LRRTM3: variants seen among roughly 807,000 people sequenced by gnomAD.
The protein encoded by LRRTM3 is leucine rich repeat transmembrane neuronal 3, also known as leucine-rich repeat transmembrane neuronal protein 3.
Under a neutral mutation model 44.7 loss-of-function variants are expected in LRRTM3, and 24 were observed. That is an observed-to-expected ratio of 0.54 (90% CI 0.39 to 0.76). The LOEUF (loss-of-function observed/expected upper bound fraction) is 0.76. Among genes scored for constraint, LRRTM3 ranks in the 30% least tolerant of loss-of-function variants. The pLI, the probability that LRRTM3 is intolerant of heterozygous loss-of-function variation, is 0.00. For missense variants in LRRTM3, 587 were observed against 702.2 expected, an observed-to-expected ratio of 0.84 and a Z score of 1.85; for synonymous variants, 277 against 278.7, an observed-to-expected ratio of 0.99 and a Z score of 0.06.
Position 67,100,083 on chromosome 10 carries a change from T to C in LRRTM3, c.*2287T>C, listed in dbSNP as rs1858252181. On this transcript the variant is annotated 3_prime_UTR_variant, in exon 3 of 3. Coordinates refer to ENST00000361320, the MANE Select transcript of LRRTM3 (RefSeq NM_178011.5). ...TAACATATTTGTTAATAAATAGGTTTATCTACTAATAAACCTATTTCTAGA... is the reference window on the plus strand; with the variant it reads ...TAACATATTTGTTAATAAATAGGTTCATCTACTAATAAACCTATTTCTAGA... Among the ~76,000 whole-genome samples, 1 of 151,824 alleles carries C rather than the reference T, an allele frequency of 6.6e-6. No individual in the cohort carries two copies. Among genetic ancestry groups the C allele is most frequent in the African/African-American group, 2.4e-5 (1 of 41,416 alleles).
At chr10:66,936,517 C>G (rs1847703194) in intron 2 of LRRTM3, among the ~76,000 whole-genome samples, 1 of 151,856 alleles carries the variant, frequency 6.6e-6, no homozygotes, top group African/African-American at 2.4e-5. Context: ...TGTTTTCTGC[C>G]TGCAGATCTT....
chr10:66,945,851 G>A (rs1564786420), intron 2 of LRRTM3, among the ~76,000 whole-genome samples: 2 of 152,064 alleles, frequency 1.3e-5, no homozygotes, highest in African/African-American at 2.4e-5. Flanking sequence ...GTAAGGGAGG[G>A]AAATAGAGAA....
intron 2 of LRRTM3, among the ~76,000 whole-genome samples, chr10:67,073,321 G>T (rs1856565578): frequency 6.6e-6 from 1 of 151,824 alleles, no homozygotes. Context: ...TCCATTAATT[G>T]GCTAAATTTT....
chr10:67,031,001 T>C (rs917767775), intron 2 of LRRTM3, among the ~76,000 whole-genome samples: 5 of 151,958 alleles, frequency 3.3e-5, no homozygotes, highest in African/African-American at 1.2e-4. Flanking sequence ...CGAAACTCCG[T>C]CTCAAAAAAA....
intron 2 of LRRTM3, among the ~76,000 whole-genome samples, chr10:67,073,078 G>C (rs552917720): frequency 1.4e-4 from 21 of 152,256 alleles, no homozygotes; most frequent in South Asian, 8.3e-4. Flanking sequence ...CTCAGAATAA[G>C]CAAATGCCCT....
Position 66,976,044 on chromosome 10 carries a change from T to A in LRRTM3, c.1536+47592T>A, listed in dbSNP as rs187542457. 4.0e-3 allele frequency among the ~76,000 whole-genome samples: 611 copies of A among 152,272 alleles called. 2 individuals carry two copies. Among genetic ancestry groups the A allele is most frequent in the Non-Finnish European group, 5.0e-3 (339 of 68,002 alleles). ...TAATTTCCCTGTATAAAAGGCCCAA[T>A]AATAGGTCAGTTAGTCCACAAAATT... On this transcript the variant is annotated intron_variant, in intron 2 of 2. Transcript: ENST00000361320.
intron 2 of LRRTM3, among the ~76,000 whole-genome samples, chr10:67,079,291 C>T (rs1564876708): frequency 6.6e-6 from 1 of 152,162 alleles, no homozygotes; most frequent in Non-Finnish European, 1.5e-5. Flanking sequence ...ATCATAAATA[C>T]AGACATCATG....
Position 66,928,199 on chromosome 10 carries a change from T to C in LRRTM3, c.1283T>C (p.Phe428Ser). 1 of 1,614,098 alleles carries C rather than the reference T, an allele frequency of 6.2e-7. No individual in the cohort carries two copies. Among genetic ancestry groups the C allele is most frequent in the East Asian group, 2.2e-5 (1 of 44,874 alleles). The change falls in exon 2 of 3, where the codon TTC (phenylalanine) becomes TCC (serine). Residue 428 changes from phenylalanine (F) to serine (S), a missense_variant. Phe to Ser is a radical substitution (Grantham distance 155). Coordinates refer to ENST00000361320, the MANE Select transcript of LRRTM3 (RefSeq NM_178011.5). The stretch of plus-strand genomic sequence containing the variant: ...ATCATCGCGGGCAGCGTGGCGCTTT[T>C]CCTGTCCGTGCTCGTCATCCTGCTG... Reference protein sequence around the residue: ...HKIIAGSVALFLSVLVILLVI... With the variant: ...HKIIAGSVALSLSVLVILLVI...
chr10:67,037,524 T>C (rs1854137035), intron 2 of LRRTM3, among the ~76,000 whole-genome samples: 1 of 152,184 alleles, frequency 6.6e-6, no homozygotes, highest in Non-Finnish European at 1.5e-5. Flanking sequence ...GGAGTGATCA[T>C]CATATCTGCA....
intron 2 of LRRTM3, among the ~76,000 whole-genome samples, chr10:66,982,988 A>G (rs1288274128): frequency 6.6e-6 from 1 of 152,180 alleles, no homozygotes; most frequent in Non-Finnish European, 1.5e-5. Context: ...CGGCTCAGGC[A>G]GCACTAAAGG....
At chr10:67,048,594 G>T (rs1313382668) in intron 2 of LRRTM3, among the ~76,000 whole-genome samples, 1 of 151,942 alleles carries the variant, frequency 6.6e-6, no homozygotes, top group Non-Finnish European at 1.5e-5. Flanking sequence ...AACACTCAAA[G>T]AATGAAAATC....
At chr10:67,057,507 C>A (rs998158298) in intron 2 of LRRTM3, among the ~76,000 whole-genome samples, 3 of 152,122 alleles carry the variant, frequency 2.0e-5, no homozygotes, top group Non-Finnish European at 1.5e-5. Flanking sequence ...ATAAGTGGGA[C>A]CATGCAGTAG....
chr10:66,970,450 A>G (rs1373448484), intron 2 of LRRTM3, among the ~76,000 whole-genome samples: 1 of 146,684 alleles, frequency 6.8e-6, no homozygotes, highest in Non-Finnish European at 1.5e-5. Flanking sequence ...ATTTGAGTTC[A>G]GTGAGGTAAC....
intron 2 of LRRTM3, among the ~76,000 whole-genome samples, chr10:66,960,760 A>G (rs755016152): frequency 7.2e-5 from 11 of 152,198 alleles, no homozygotes; most frequent in Non-Finnish European, 1.5e-4. Flanking sequence ...CATAGGATCT[A>G]TGGTGGATAG....
chr10:66,988,289 G>C (rs549185129), intron 2 of LRRTM3, among the ~76,000 whole-genome samples: 55 of 152,212 alleles, frequency 3.6e-4, no homozygotes, highest in African/African-American at 1.3e-3. Context: ...TTATATTCAA[G>C]TTTTCTGTTT....
chr10:66,955,452 T>A (rs1848736918), intron 2 of LRRTM3, among the ~76,000 whole-genome samples: 1 of 152,134 alleles, frequency 6.6e-6, no homozygotes, highest in Non-Finnish European at 1.5e-5. Flanking sequence ...GCCAATTCAG[T>A]AAAATTAATC....
intron 2 of LRRTM3, among the ~76,000 whole-genome samples, chr10:67,030,452 T>C (rs1306566791): frequency 6.6e-6 from 1 of 152,162 alleles, no homozygotes; most frequent in Admixed American, 6.6e-5. Flanking sequence ...TCTTGAACTA[T>C]ATTTATACAT....
At chr10:67,091,665 T>C (rs1466009859) in intron 2 of LRRTM3, among the ~76,000 whole-genome samples, 1 of 152,072 alleles carries the variant, frequency 6.6e-6, no homozygotes, top group Non-Finnish European at 1.5e-5. Flanking sequence ...AAGGTAATGA[T>C]ACTTTGAGCC....
intron 2 of LRRTM3, among the ~76,000 whole-genome samples, chr10:66,943,473 C>G (rs965906221): frequency 6.6e-6 from 1 of 150,678 alleles, no homozygotes; most frequent in Non-Finnish European, 1.5e-5. Context: ...TCCTGAAATC[C>G]TGGGAAGCCT....
Sources: gnomAD v4.1 joint callset for allele counts (sites outside exome capture counted in the v4.1 genomes callset) on GRCh38, gnomAD v4.1.1 for gene constraint, MANE v1.5 for transcripts, NCBI Gene and HGNC (gene_info 2026-07-23, HGNC 2026-07-21) for gene names.